Variants in LRRC53 observed in about 807,000 individuals in gnomAD.
The protein encoded by LRRC53 is leucine rich repeat containing 53, also known as leucine-rich repeat-containing protein 53.
In LRRC53, 25 loss-of-function variants were observed where a neutral mutation model predicts 13.6. The ratio of observed to expected loss-of-function variants is 1.83; its 90% confidence interval spans 1.34 to 2.56. LRRC53 has a LOEUF of 2.56. LRRC53 is among the 30% of genes most tolerant of loss of function. LRRC53 has a pLI of 0.00. For synonymous variants in LRRC53, 204 were observed against 109.8 expected (o/e 1.86, Z -5.37); for missense variants, 527 against 275.8 (o/e 1.91, Z -6.45).
intron 1 of LRRC53, among the ~76,000 whole-genome samples, chr1:74,487,170 T>A (rs571881331): frequency 3.3e-5 from 5 of 152,246 alleles, no homozygotes; most frequent in Admixed American, 2.0e-4. Flanking sequence ...GTCTGTATGC[T>A]GGTGGAGATT....
intron 1 of LRRC53, among the ~76,000 whole-genome samples, chr1:74,493,525 G>A (rs1476869505): frequency 6.6e-6 from 1 of 152,166 alleles, no homozygotes; most frequent in African/African-American, 2.4e-5. Context: ...TAAATGTTAA[G>A]TTTCAAAGAG....
intron 1 of LRRC53, among the ~76,000 whole-genome samples, chr1:74,494,300 G>T (rs1293841153): frequency 2.0e-5 from 3 of 152,166 alleles, no homozygotes; most frequent in Non-Finnish European, 4.4e-5. Context: ...TGCAATTGTT[G>T]CTTTTTTAGC....
At chr1:74,522,681 A>C in the LRRC53 span, among the ~76,000 whole-genome samples, 1 of 152,038 alleles carries the variant, frequency 6.6e-6, no homozygotes, top group Admixed American at 6.6e-5. Context: ...AGAAAGAGAG[A>C]AATGCCCCAG....
chr1:74,530,760 G>A, the LRRC53 span, among the ~76,000 whole-genome samples: 1 of 151,018 alleles, frequency 6.6e-6, no homozygotes, highest in Non-Finnish European at 1.5e-5. Flanking sequence ...AGTATAGAAG[G>A]TGAGGGATAT....
intron 1 of LRRC53, among the ~76,000 whole-genome samples, chr1:74,502,777 C>T (rs895890817): frequency 6.6e-6 from 1 of 152,170 alleles, no homozygotes; most frequent in Non-Finnish European, 1.5e-5. Flanking sequence ...AATCACCTGC[C>T]TGTGCTGATA....
intron 1 of LRRC53, among the ~76,000 whole-genome samples, chr1:74,505,969 GA>G (rs1669874485): frequency 6.6e-6 from 1 of 152,130 alleles, no homozygotes; most frequent in Non-Finnish European, 1.5e-5. Flanking sequence ...CTTTCAAAGA[GA>G]AAGTAAAAAA....
rs538411343 is a variant in LRRC53, at chr1:74,469,930, A to G, written c.3692T>C (p.Leu1231Pro). The G allele has an allele frequency of 2.0e-4, 79 of 400,696 alleles. No individual in the cohort carries two copies. The highest frequency in any genetic ancestry group is 1.6e-3 in the African/African-American group (77 of 48,838). 24.8% of individuals were successfully genotyped at this position (400,696 alleles called of 1,614,324 possible). A position where few individuals can be genotyped will look rare whatever the true frequency, so the allele number is the denominator to read the frequency against. The change falls in exon 5 of 5, where the codon CTG becomes CCG. Residue 1231 changes from leucine to proline, a missense_variant. By Grantham distance (98) the Leu-to-Pro change is moderately conservative. Transcript: ENST00000294635. ...AGCATATTCAGCAGATGGTGGATAC[A>G]GTACAGGTTTTGGAGCAGAGTTTTC... ...EAENSAPKPV[L>P]YPPSAEYATT...
the LRRC53 span, among the ~76,000 whole-genome samples, chr1:74,529,298 C>T: frequency 2.0e-5 from 3 of 152,040 alleles, no homozygotes; most frequent in African/African-American, 7.2e-5. Flanking sequence ...ATGAAAGAAA[C>T]AACATCCCTT....
chr1:74,483,185 T>C lies in LRRC53; in HGVS notation c.88+77A>G, dbSNP rs1668588472. On this transcript the variant is annotated intron_variant, in intron 2 of 4. Coordinates refer to ENST00000294635, the MANE Select transcript of LRRC53 (RefSeq NM_001382280.1). ...CTCTTAAGCTGAGCCCAGAGAACAG[T>C]CAGTACAATGAAAGGTATGGCAACC... 4 of 696,900 alleles carry C rather than the reference T, an allele frequency of 5.7e-6. No homozygotes were observed. In the South Asian group the frequency reaches 6.2e-5, roughly 11 times the overall value. The allele number at this position is 696,900 out of a possible 1,614,324, so 43.2% of individuals were successfully genotyped here.
In LRRC53 at chr1:74,471,566, T is replaced by TTA; in HGVS notation, c.2055_2056insTA (p.Asn686Ter). ...TTAGTAAACCATTTTTCTCCTTTGT[T>TTA]TCTCTCCCCAGTGTTGCTAAATTTT... On this transcript the variant is annotated frameshift_variant, in exon 5 of 5. Coordinates refer to ENST00000294635, the MANE Select transcript of LRRC53 (RefSeq NM_001382280.1). LOFTEE classifies it low-confidence loss of function (END_TRUNC). 1 of 400,738 alleles carries TTA rather than the reference T, an allele frequency of 2.5e-6. No homozygotes were observed. Among genetic ancestry groups the TTA allele is most frequent in the Non-Finnish European group, 4.4e-6 (1 of 226,194 alleles). The allele number at this position is 400,738 out of a possible 1,614,324, so 24.8% of individuals were successfully genotyped here.
At chr1:74,514,279 A>G (rs188550247), upstream of LRRC53, among the ~76,000 whole-genome samples, 1 of 152,158 alleles carries the variant, frequency 6.6e-6, no homozygotes, top group African/African-American at 2.4e-5. Context: ...GCGTTTTCAC[A>G]CAATTCTATG....
chr1:74,496,222 G>C (rs1669319935), intron 1 of LRRC53, among the ~76,000 whole-genome samples: 1 of 152,120 alleles, frequency 6.6e-6, no homozygotes, highest in African/African-American at 2.4e-5. Flanking sequence ...CTGTAAGAAG[G>C]GGATGCAGCT....
At chr1:74,517,183 G>A (rs1022709261), upstream of LRRC53, among the ~76,000 whole-genome samples, 1 of 151,880 alleles carries the variant, frequency 6.6e-6, no homozygotes, top group Non-Finnish European at 1.5e-5. Context: ...ATCTTGTAGG[G>A]GTAACTCTTT....
At chr1:74,505,006 A>G (rs554087935) in intron 1 of LRRC53, among the ~76,000 whole-genome samples, 13 of 152,230 alleles carry the variant, frequency 8.5e-5, no homozygotes, top group Non-Finnish European at 1.8e-4. Context: ...ATGAAATGAC[A>G]TATTGGGACA....
intron 1 of LRRC53, among the ~76,000 whole-genome samples, chr1:74,507,215 A>ATTTC (rs1320161139): frequency 3.2e-5 from 4 of 124,776 alleles, no homozygotes; most frequent in Non-Finnish European, 5.1e-5. Context: ...CAGTTTTTAA[A>ATTTC]TTTCTTCACC....
chr1:74,517,008 T>G (rs182197737), upstream of LRRC53, among the ~76,000 whole-genome samples: 1 of 152,294 alleles, frequency 6.6e-6, no homozygotes, highest in Non-Finnish European at 1.5e-5. Context: ...AAAACACTGA[T>G]AGCAATTCAA....
At chr1:74,493,020 T>C (rs1445200466) in intron 1 of LRRC53, among the ~76,000 whole-genome samples, 1 of 152,176 alleles carries the variant, frequency 6.6e-6, no homozygotes, top group African/African-American at 2.4e-5. Flanking sequence ...CCAACTCTAC[T>C]GGATCAGGGC....
the LRRC53 span, among the ~76,000 whole-genome samples, chr1:74,535,943 AT>A: frequency 6.6e-6 from 1 of 152,048 alleles, no homozygotes; most frequent in Non-Finnish European, 1.5e-5. Flanking sequence ...TCCCCTTATT[AT>A]TTATCTTCAT....
chr1:74,478,380 G>T (rs1251867700), intron 3 of LRRC53, among the ~76,000 whole-genome samples: 1 of 151,862 alleles, frequency 6.6e-6, no homozygotes, highest in Non-Finnish European at 1.5e-5. Flanking sequence ...CAAAACTTTT[G>T]GAATCTTCTA....
Sources: gnomAD v4.1 joint callset for allele counts (sites outside exome capture counted in the v4.1 genomes callset) on GRCh38, gnomAD v4.1.1 for gene constraint, MANE v1.5 for transcripts, NCBI Gene and HGNC (gene_info 2026-07-23, HGNC 2026-07-21) for gene names.